Variants in PPP1R1C observed in about 807,000 individuals in gnomAD.
The protein encoded by PPP1R1C is protein phosphatase 1 regulatory inhibitor subunit 1C.
In PPP1R1C, 15 loss-of-function variants were observed where a neutral mutation model predicts 17.4. That is an observed-to-expected ratio of 0.86 (90% CI 0.58 to 1.33). The LOEUF is 1.33. Ranked by LOEUF, PPP1R1C falls within the 40% of genes most tolerant of loss-of-function variation. The pLI, the probability that PPP1R1C is intolerant of heterozygous loss-of-function variation, is 0.00. For missense variants in PPP1R1C, 143 were observed against 130.0 expected, an observed-to-expected ratio of 1.10 and a Z score of -0.48; for synonymous variants, 35 against 43.1, an observed-to-expected ratio of 0.81 and a Z score of 0.73.
intron 2 of PPP1R1C, among the ~76,000 whole-genome samples, chr2:182,001,952 C>T (rs1354986447): frequency 6.6e-6 from 1 of 152,136 alleles, no homozygotes; most frequent in African/African-American, 2.4e-5. Context: ...CGTATAGCTT[C>T]ACATTACAAC....
intron 4 of PPP1R1C, among the ~76,000 whole-genome samples, chr2:182,111,286 G>T (rs534698684): frequency 3.9e-5 from 6 of 152,024 alleles, no homozygotes; most frequent in African/African-American, 1.4e-4. Flanking sequence ...TATTTCCATG[G>T]ATGATGAAGA....
At chr2:181,959,900 G>T (rs1684736356) in intron 1 of PPP1R1C, among the ~76,000 whole-genome samples, 1 of 152,038 alleles carries the variant, frequency 6.6e-6, no homozygotes, top group South Asian at 2.1e-4. Flanking sequence ...TTTAACTTAG[G>T]TAGTAGCCAT....
chr2:182,111,996 T>C (rs1384155252), intron 4 of PPP1R1C, among the ~76,000 whole-genome samples: 1 of 152,170 alleles, frequency 6.6e-6, no homozygotes, highest in East Asian at 1.9e-4. Context: ...CAGTCCAAAT[T>C]ACTATCCATT....
intron 4 of PPP1R1C, among the ~76,000 whole-genome samples, chr2:182,078,828 T>G (rs1346493774): frequency 6.6e-6 from 1 of 152,240 alleles, no homozygotes; most frequent in Non-Finnish European, 1.5e-5. Context: ...AGGTGTGTTT[T>G]AATTGTAGTA....
intron 2 of PPP1R1C, among the ~76,000 whole-genome samples, chr2:181,990,965 C>A (rs1358233390): frequency 3.9e-5 from 6 of 152,116 alleles, no homozygotes; most frequent in South Asian, 4.1e-4. Flanking sequence ...GTTTAAAATT[C>A]AAAACCCTGC....
rs562088455 is a variant in PPP1R1C, at chr2:181,962,210, C to T, written n.111+7576C>T. On this transcript the variant is annotated intron_variant and non_coding_transcript_variant, in intron 1 of 5. Transcript: ENST00000464264. This position sits in a 1 kb window ranked among gnomAD's most constrained non-coding sequence, Gnocchi z 6.0. ...CACTCTGTCCAGGTAGGAGGCCAGA[C>T]GGTCATTCAGGCTTTGCATTGTCTC... 61 of 736,456 alleles carry T rather than the reference C, an allele frequency of 8.3e-5. No individual in the cohort carries two copies. Among genetic ancestry groups the T allele is most frequent in the Admixed American group, 2.0e-4 (11 of 55,612 alleles). The allele number at this position is 736,456 out of a possible 1,614,324, so 45.6% of individuals were successfully genotyped here.
At chr2:182,110,085 G>C (rs1300047448) in intron 4 of PPP1R1C, among the ~76,000 whole-genome samples, 1 of 151,090 alleles carries the variant, frequency 6.6e-6, no homozygotes, top group African/African-American at 2.4e-5. Context: ...ATAATACAGA[G>C]TATACCTCAA....
At chr2:181,990,933 G>C (rs1396403322) in intron 2 of PPP1R1C, among the ~76,000 whole-genome samples, 2 of 152,056 alleles carry the variant, frequency 1.3e-5, no homozygotes, top group Admixed American at 1.3e-4. Flanking sequence ...GGCTGTTCTT[G>C]GACTCACCTG....
At chr2:182,054,271 C>T (rs76878116) in intron 2 of PPP1R1C, among the ~76,000 whole-genome samples, 5,867 of 152,220 alleles carry the variant, frequency 0.039, 389 homozygotes, top group Admixed American at 0.18. Context: ...GTAATGGTAA[C>T]ATTTATAGTA....
chr2:181,993,416 C>T (rs760732129), intron 2 of PPP1R1C, among the ~76,000 whole-genome samples: 18 of 152,194 alleles, frequency 1.2e-4, no homozygotes, highest in Middle Eastern at 3.4e-3. Flanking sequence ...TACCAGCCAC[C>T]CCCAGGGACC....
At chr2:182,003,798 C>T (rs1403945913) in intron 2 of PPP1R1C, among the ~76,000 whole-genome samples, 1 of 152,072 alleles carries the variant, frequency 6.6e-6, no homozygotes, top group African/African-American at 2.4e-5. Flanking sequence ...GCCTCCCAAG[C>T]TCCCACTAAA....
intron 1 of PPP1R1C, among the ~76,000 whole-genome samples, chr2:181,969,968 C>T (rs911652492): frequency 6.6e-6 from 1 of 152,160 alleles, no homozygotes; most frequent in South Asian, 2.1e-4. Flanking sequence ...TTATTCCAAT[C>T]TCTTTGTTAA....
intron 2 of PPP1R1C, among the ~76,000 whole-genome samples, chr2:182,021,321 C>CTTT (rs71008205): frequency 1.1e-4 from 10 of 89,634 alleles, no homozygotes; most frequent in African/African-American, 2.4e-4. Context: ...CTCTCTCTCT[C>CTTT]TTTTTTTTTT....
chr2:182,086,399 T>G (rs1157247193), intron 4 of PPP1R1C, among the ~76,000 whole-genome samples: 5 of 152,148 alleles, frequency 3.3e-5, no homozygotes, highest in Non-Finnish European at 7.4e-5. Flanking sequence ...TTAAACTTTG[T>G]AAGAGTGTGG....
At chr2:182,120,166 C>T (rs976940694), downstream of PPP1R1C, among the ~76,000 whole-genome samples, 2 of 152,114 alleles carry the variant, frequency 1.3e-5, no homozygotes, top group African/African-American at 4.8e-5. Context: ...AATAAGGAAT[C>T]CTTTCCCCAT....
At chr2:181,965,953 CT>C (rs778625314) in intron 1 of PPP1R1C, among the ~76,000 whole-genome samples, 3 of 151,908 alleles carry the variant, frequency 2.0e-5, no homozygotes, top group Admixed American at 1.3e-4. Context: ...TATTTTTGCA[CT>C]CTTTCATTTC....
At chr2:182,129,688 A>C (rs995836676) in exon 6 of PPP1R1C, 1 of 152,134 alleles carries the variant, frequency 6.6e-6, no homozygotes, top group Non-Finnish European at 1.5e-5. Context: ...AGTGTCCCCA[A>C]ATGAACCAAT....
At chr2:182,081,466 T>C (rs1313446437) in intron 4 of PPP1R1C, among the ~76,000 whole-genome samples, 5 of 152,272 alleles carry the variant, frequency 3.3e-5, no homozygotes, top group African/African-American at 1.2e-4. Flanking sequence ...AGTAGAAAAT[T>C]GTGATAGAAA....
intron 2 of PPP1R1C, among the ~76,000 whole-genome samples, chr2:182,024,960 T>C (rs1686552307): frequency 6.6e-6 from 1 of 150,464 alleles, no homozygotes; most frequent in African/African-American, 2.4e-5. Context: ...TTCTTTTTTT[T>C]TTTTTAATGG....
Sources: allele counts gnomAD v4.1 joint callset (sites outside exome capture counted in the v4.1 genomes callset), GRCh38; gene constraint gnomAD v4.1.1; non-coding constraint Gnocchi (gnomAD v3.1); transcripts MANE v1.5; gene names NCBI Gene and HGNC (gene_info 2026-07-23, HGNC 2026-07-21).